Variants in TTC7B observed in about 807,000 individuals in gnomAD.
TTC7B encodes tetratricopeptide repeat protein 7B.
Under a neutral mutation model 106.8 loss-of-function variants are expected in TTC7B, and 28 were observed. The ratio of observed to expected loss-of-function variants is 0.26; its 90% CI spans 0.19 to 0.36. The LOEUF is 0.36. Among genes scored for constraint, TTC7B ranks in the 10% least tolerant of loss-of-function variants. The pLI is 1.00. For missense variants in TTC7B, 862 were observed against 1,076.4 expected, an observed-to-expected ratio of 0.80 and a Z score of 2.79; for synonymous variants, 405 against 430.6, an observed-to-expected ratio of 0.94 and a Z score of 0.74.
chr14:90,647,570 C>T (rs1180873066), intron 13 of TTC7B, among the ~76,000 whole-genome samples: 3 of 152,104 alleles, frequency 2.0e-5, no homozygotes, highest in African/African-American at 7.2e-5. Flanking sequence ...TCTTTTGAAG[C>T]TTCTACAAAA....
rs1037655264 is a variant in TTC7B at position 90,600,729 on chromosome 14, C to T, written c.1967-7103G>A. 1.3e-5 allele frequency among the ~76,000 whole-genome samples: 2 copies of T among 152,164 alleles called. No homozygotes were observed. The highest frequency in any genetic ancestry group is 4.8e-5 in the African/African-American group (2 of 41,450). On this transcript the variant is annotated intron_variant, in intron 17 of 19. Coordinates refer to ENST00000328459, the MANE Select transcript of TTC7B (RefSeq NM_001010854.2). This position sits in a 1 kb window ranked among gnomAD's most constrained non-coding sequence, Gnocchi z 4.3. ...ATGCTGCTGGTGGGTGCTGGCAGGGCCAGGTGGTCACACAGAAAGCATGGA... is the reference window on the plus strand; with the variant it reads ...ATGCTGCTGGTGGGTGCTGGCAGGGTCAGGTGGTCACACAGAAAGCATGGA...
intron 15 of TTC7B, among the ~76,000 whole-genome samples, chr14:90,631,939 C>T (rs1566808660): frequency 6.6e-6 from 1 of 152,150 alleles, no homozygotes; most frequent in Admixed American, 6.5e-5. Flanking sequence ...CTATGCAACT[C>T]CTTTCCTTTG....
At chr14:90,678,771 T>A (rs1886936777) in intron 8 of TTC7B, among the ~76,000 whole-genome samples, 1 of 152,184 alleles carries the variant, frequency 6.6e-6, no homozygotes, top group Non-Finnish European at 1.5e-5. Context: ...TCCAAAGACA[T>A]CTCCACTTAG....
In TTC7B at chr14:90,525,725, G is replaced by T. The variant is rs1030739916; in HGVS notation, c.*15643C>A. On this transcript the variant is annotated 3_prime_UTR_variant, in exon 20 of 20. Transcript: ENST00000328459. ...AACCCAGTTGACTAATATTTGGGTC[G>T]GTGGAGCCCGAATAATACAATAAGA... 1 of 148,768 alleles carries T rather than the reference G, an allele frequency of 6.7e-6. No homozygotes were observed. The highest frequency in any genetic ancestry group is 1.5e-5 in the Non-Finnish European group (1 of 67,308). 9.2% of individuals were successfully genotyped at this position (148,768 alleles called of 1,614,324 possible).
intron 14 of TTC7B, among the ~76,000 whole-genome samples, chr14:90,644,526 C>A (rs1289833172): frequency 6.6e-6 from 1 of 152,196 alleles, no homozygotes; most frequent in Non-Finnish European, 1.5e-5. Flanking sequence ...AACACTTTCT[C>A]ATTCTTTCCA....
At chr14:90,581,030 C>T (rs543261081) in intron 18 of TTC7B, among the ~76,000 whole-genome samples, 2 of 152,226 alleles carry the variant, frequency 1.3e-5, no homozygotes, top group African/African-American at 4.8e-5. Flanking sequence ...CAACGACTGA[C>T]TCCCCAGGCC....
chr14:90,640,285 A>AG (rs1566813009), intron 15 of TTC7B, among the ~76,000 whole-genome samples: 1 of 151,954 alleles, frequency 6.6e-6, no homozygotes, highest in Non-Finnish European at 1.5e-5. Context: ...ACAAAAAAAA[A>AG]AGAGAGAGAG....
At chr14:90,686,083 A>G (rs1055962182) in intron 7 of TTC7B, among the ~76,000 whole-genome samples, 1 of 152,250 alleles carries the variant, frequency 6.6e-6, no homozygotes, top group Non-Finnish European at 1.5e-5. Flanking sequence ...ATATAGATGT[A>G]AAAATCTTTA....
chr14:90,553,247 G>A (rs1373839519), intron 19 of TTC7B, among the ~76,000 whole-genome samples: 1 of 152,224 alleles, frequency 6.6e-6, no homozygotes, highest in East Asian at 1.9e-4. Context: ...CTATCATGGG[G>A]CCCCTTTTCC....
rs894525178 is a variant in TTC7B, at chr14:90,538,228, A to C, written c.*3140T>G. On this transcript the variant is annotated 3_prime_UTR_variant, in exon 20 of 20. Transcript: ENST00000328459. The stretch of plus-strand genomic sequence containing the variant: ...GTGTCTAGCGTCTGCGTCCTCATCT[A>C]TTAATGGATGGACGGATGGATGGAT... 1 of 151,666 alleles carries C rather than the reference A, an allele frequency of 6.6e-6. No individual in the cohort carries two copies. The highest frequency in any genetic ancestry group is 1.9e-4 in the East Asian group (1 of 5,182). The allele number at this position is 151,666 out of a possible 1,614,324, so 9.4% of individuals were successfully genotyped here. A position where few individuals can be genotyped will look rare whatever the true frequency, so the allele number is the denominator to read the frequency against.
At chr14:90,748,791 T>G (rs1890048973) in intron 3 of TTC7B, among the ~76,000 whole-genome samples, 2 of 152,200 alleles carry the variant, frequency 1.3e-5, no homozygotes, top group Admixed American at 6.5e-5. Context: ...GTTTAGTCAT[T>G]TTTTTAACAT....
rs1291107564 is a variant in TTC7B, at chr14:90,625,867, C to CA, written c.1752-7823dup. On this transcript the variant is annotated intron_variant, in intron 15 of 19. Coordinates refer to ENST00000328459, the MANE Select transcript of TTC7B (RefSeq NM_001010854.2). ...CCAATTGCTGCATTGATGTGCTATT[C>CA]ATTGGGGTTCATTAGAAAACATATA... 8.3e-4 allele frequency among the ~76,000 whole-genome samples: 126 copies of CA among 152,356 alleles called. 2 individuals are homozygous for CA. Among genetic ancestry groups the CA allele is most frequent in the Middle Eastern group, 6.8e-3 (2 of 294 alleles).
At position 90,624,978 on chromosome 14, in the gene TTC7B, G is replaced by A. The variant is rs984923143; in HGVS notation, c.1752-6933C>T. 2.6e-5 allele frequency among the ~76,000 whole-genome samples: 4 copies of A among 152,210 alleles called. No individual in the cohort carries two copies. Among genetic ancestry groups the A allele is most frequent in the Non-Finnish European group, 4.4e-5 (3 of 68,032 alleles). ...GCGGGATCTGCCCAAGCGGGGCAGCGGCTGAGGGGGCCCTGGATACCTTCC... is the reference window on the plus strand; with the variant it reads ...GCGGGATCTGCCCAAGCGGGGCAGCAGCTGAGGGGGCCCTGGATACCTTCC... On this transcript the variant is annotated intron_variant, in intron 15 of 19. Transcript: ENST00000328459. This position sits in a 1 kb window ranked among gnomAD's most constrained non-coding sequence, Gnocchi z 4.0.
In TTC7B at chr14:90,750,041, G is replaced by C. The variant is rs534177981; in HGVS notation, c.446-5119C>G. Reference sequence around the variant, plus strand: ...AAGTAGCCTCTCTCTAGTGTGAACTGTTATAACCTCTTGACATTTTCATTG... The same window carrying C: ...AAGTAGCCTCTCTCTAGTGTGAACTCTTATAACCTCTTGACATTTTCATTG... On this transcript the variant is annotated intron_variant, in intron 3 of 19. Transcript: ENST00000328459. Among the ~76,000 whole-genome samples the C allele has an allele frequency of 2.0e-5, 3 of 152,298 alleles. No individual in the cohort carries two copies. The South Asian group carries it at 6.2e-4, about 32-fold the overall frequency.
intron 17 of TTC7B, 36 bp from the exon 18 acceptor site, chr14:90,593,662 G>A (rs778783106): frequency 1.7e-5 from 26 of 1,541,618 alleles, no homozygotes; most frequent in Middle Eastern, 1.7e-4. Flanking sequence ...TATCAGGAGC[G>A]AAAGAACAGA....
chr14:90,727,397 T>G (rs1889149349), intron 5 of TTC7B, among the ~76,000 whole-genome samples: 1 of 152,184 alleles, frequency 6.6e-6, no homozygotes, highest in Admixed American at 6.5e-5. Flanking sequence ...TGAGTCTAAA[T>G]TTTTCTAAAC....
intron 3 of TTC7B, among the ~76,000 whole-genome samples, chr14:90,779,818 C>T (rs1891150598): frequency 6.6e-6 from 1 of 152,230 alleles, no homozygotes; most frequent in African/African-American, 2.4e-5. Flanking sequence ...TGCATTATCT[C>T]ACACTAGAGT....
intron 1 of TTC7B, among the ~76,000 whole-genome samples, chr14:90,815,736 A>AC (rs1173108241): frequency 2.6e-5 from 4 of 151,358 alleles, no homozygotes; most frequent in African/African-American, 7.3e-5. Context: ...CATTCTCAAG[A>AC]CCCCATAAAC....
intron 15 of TTC7B, among the ~76,000 whole-genome samples, chr14:90,619,057 C>A (rs1595212467): frequency 1.3e-5 from 2 of 152,328 alleles, no homozygotes; most frequent in South Asian, 2.1e-4. Context: ...GCATCCGCCA[C>A]CACGTCCGGC....
Sources: allele counts gnomAD v4.1 joint callset (sites outside exome capture counted in the v4.1 genomes callset), GRCh38; gene constraint gnomAD v4.1.1; non-coding constraint Gnocchi (gnomAD v3.1); transcripts MANE v1.5; gene names NCBI Gene and HGNC (gene_info 2026-07-23, HGNC 2026-07-21).